The following LRRIQ3 variants were observed in gnomAD, a reference collection of about 807,000 sequenced individuals.
LRRIQ3 encodes leucine rich repeats and IQ motif containing 3, also known as leucine-rich repeat and IQ domain-containing protein 3.
LRRIQ3 carries 75 observed loss-of-function variants against 59.3 expected under a neutral mutation model. The ratio of observed to expected loss-of-function variants is 1.26; its 90% CI spans 1.05 to 1.53. The LOEUF is 1.53. Ranked by LOEUF, LRRIQ3 falls within the 40% of genes most tolerant of loss-of-function variation. LRRIQ3 has a pLI of 0.00. For missense variants in LRRIQ3, 831 were observed against 710.0 expected (o/e 1.17, Z -1.94); for synonymous variants, 250 against 231.3 (o/e 1.08, Z -0.73).
intron 4 of LRRIQ3, among the ~76,000 whole-genome samples, chr1:74,130,210 G>A (rs575888064): frequency 3.3e-5 from 5 of 152,144 alleles, no homozygotes; most frequent in African/African-American, 1.2e-4. Context: ...TGCCTTTCAA[G>A]TTAATGTAGG....
At chr1:74,045,543 A>C (rs1654175782) in intron 6 of LRRIQ3, among the ~76,000 whole-genome samples, 1 of 152,096 alleles carries the variant, frequency 6.6e-6, no homozygotes, top group South Asian at 2.1e-4. Flanking sequence ...CCCTTTGAAA[A>C]CCGGCACAAG....
intron 5 of LRRIQ3, chr1:74,078,659 T>A (rs1048297696): frequency 2.6e-5 from 4 of 151,886 alleles, no homozygotes; most frequent in Admixed American, 2.0e-4. Context: ...TTTTACCATA[T>A]TCACTTCTGA....
At chr1:74,119,270 A>G (rs1350650419) in intron 4 of LRRIQ3, among the ~76,000 whole-genome samples, 3 of 152,052 alleles carry the variant, frequency 2.0e-5, no homozygotes, top group Non-Finnish European at 4.4e-5. Flanking sequence ...AATTGCTGAT[A>G]TAATTTGCAT....
intron 3 of LRRIQ3, among the ~76,000 whole-genome samples, chr1:74,173,544 T>C (rs930666612): frequency 6.6e-6 from 1 of 151,896 alleles, no homozygotes; most frequent in African/African-American, 2.4e-5. Context: ...TATCATGAGG[T>C]TTGTATCAAA....
At chr1:74,054,304 C>T (rs1251915770) in intron 6 of LRRIQ3, among the ~76,000 whole-genome samples, 1 of 151,830 alleles carries the variant, frequency 6.6e-6, no homozygotes, top group Non-Finnish European at 1.5e-5. Context: ...ATTCCAGATA[C>T]TGGTATACAA....
chr1:74,100,541 G>A (rs1646515264), intron 5 of LRRIQ3, among the ~76,000 whole-genome samples: 1 of 152,070 alleles, frequency 6.6e-6, no homozygotes, highest in African/African-American at 2.4e-5. Context: ...TTTCTTCACA[G>A]AATTGGAAAA....
rs372742889 is a variant in LRRIQ3 at position 74,109,471 on chromosome 1, A to G, written c.790T>C (p.Tyr264His). Residue 264 changes from tyrosine (Y) to histidine (H), a missense_variant, in exon 5 of 8, where the codon TAT becomes CAT. By Grantham distance (83) the Tyr-to-His change is moderately conservative. Transcript: ENST00000354431. ...EAKWIYITKG[Y>H]EDKLLKDLFF... Reference sequence around the variant, plus strand: ...AGATCCTTAAGGAGCTTATCTTCATACCCTTTGGTTATGTAAATCCATTTT... The same window carrying G: ...AGATCCTTAAGGAGCTTATCTTCATGCCCTTTGGTTATGTAAATCCATTTT... 14 of 1,573,312 alleles carry G rather than the reference A, an allele frequency of 8.9e-6. No homozygotes were observed. In the African/African-American group the frequency reaches 1.8e-4, roughly 20 times the overall value.
chr1:74,094,258 G>GGACAC (rs1365079440), intron 5 of LRRIQ3, among the ~76,000 whole-genome samples: 127 of 152,072 alleles, frequency 8.4e-4, no homozygotes, highest in African/African-American at 3.0e-3. Flanking sequence ...AATTTTGAAG[G>GGACAC]GACACATTCA....
intron 4 of LRRIQ3, among the ~76,000 whole-genome samples, chr1:74,113,962 T>C (rs1646740090): frequency 6.6e-6 from 1 of 151,520 alleles, no homozygotes. Flanking sequence ...TCTTTCTCTA[T>C]CTCTCTCTCT....
chr1:74,186,944 T>C (rs1484993870), intron 1 of LRRIQ3, among the ~76,000 whole-genome samples: 3 of 150,724 alleles, frequency 2.0e-5, no homozygotes, highest in South Asian at 2.1e-4. Context: ...ATGACTATTA[T>C]AAGCAAGAAA....
At chr1:74,031,513 C>CA (rs1369944107) in intron 7 of LRRIQ3, among the ~76,000 whole-genome samples, 5 of 148,438 alleles carry the variant, frequency 3.4e-5, no homozygotes, top group African/African-American at 1.2e-4. Flanking sequence ...ATCACAAGGA[C>CA]AAAAAACCAA....
chr1:74,185,770 C>T (rs571481699), intron 1 of LRRIQ3, among the ~76,000 whole-genome samples: 35 of 151,978 alleles, frequency 2.3e-4, no homozygotes, highest in South Asian at 8.3e-4. Flanking sequence ...GGTGAAACCC[C>T]GTCTCTACTA....
chr1:74,170,858 T>C (rs1649281681), intron 3 of LRRIQ3, among the ~76,000 whole-genome samples: 1 of 152,126 alleles, frequency 6.6e-6, no homozygotes, highest in Non-Finnish European at 1.5e-5. Context: ...CATTAGTGTT[T>C]TATAGTTTTC....
At chr1:74,189,332 G>A (rs967780522) in intron 1 of LRRIQ3, among the ~76,000 whole-genome samples, 13 of 152,208 alleles carry the variant, frequency 8.5e-5, no homozygotes, top group East Asian at 3.9e-4. Context: ...TACTGGTTAC[G>A]ACAAGTTCAT....
intron 6 of LRRIQ3, among the ~76,000 whole-genome samples, chr1:74,048,709 T>G (rs1654275721): frequency 6.6e-6 from 1 of 152,142 alleles, no homozygotes; most frequent in Admixed American, 6.6e-5. Context: ...GTTTGAGAGT[T>G]GTTTTCCATG....
intron 6 of LRRIQ3, among the ~76,000 whole-genome samples, chr1:74,059,813 C>A (rs991855699): frequency 2.0e-5 from 3 of 151,936 alleles, no homozygotes; most frequent in African/African-American, 4.8e-5. Context: ...TTTTAAGTCA[C>A]CCATTTTAAG....
intron 3 of LRRIQ3, among the ~76,000 whole-genome samples, chr1:74,177,840 C>G (rs6661309): frequency 0.85 from 128,980 of 151,846 alleles, 55,672 homozygotes; most frequent in East Asian, 0.97. Context: ...CTTAGAAATG[C>G]AAGCCCTATG....
chr1:74,106,888 C>T (rs994586046), intron 5 of LRRIQ3, among the ~76,000 whole-genome samples: 1 of 151,958 alleles, frequency 6.6e-6, no homozygotes, highest in Admixed American at 6.6e-5. Context: ...CTCACAACCA[C>T]GCTTTAATAC....
At chr1:74,033,844 G>C (rs2100366044) in intron 7 of LRRIQ3, among the ~76,000 whole-genome samples, 1 of 152,064 alleles carries the variant, frequency 6.6e-6, no homozygotes, top group South Asian at 2.1e-4. Context: ...TTATTTTCTA[G>C]CTCTTCCATG....
Sources: allele counts gnomAD v4.1 joint callset (sites outside exome capture counted in the v4.1 genomes callset), GRCh38; gene constraint gnomAD v4.1.1; transcripts MANE v1.5; gene names NCBI Gene and HGNC (gene_info 2026-07-23, HGNC 2026-07-21).